Variants in TTC6 observed in about 807,000 individuals in gnomAD.
TTC6 encodes the protein tetratricopeptide repeat domain 6, also known as tetratricopeptide repeat protein 6.
Under a neutral mutation model 210.4 loss-of-function variants are expected in TTC6, and 172 were observed. The ratio of observed to expected loss-of-function variants is 0.82; its 90% CI spans 0.72 to 0.93. TTC6 has a LOEUF of 0.93. TTC6 is among the 40% of genes least tolerant of loss of function. The pLI, the probability that TTC6 is intolerant of heterozygous loss-of-function variation, is 0.00. For missense variants in TTC6, 2,414 were observed against 2,318.1 expected (o/e 1.04, Z -0.85); for synonymous variants, 804 against 819.6 (o/e 0.98, Z 0.32).
chr14:37,625,674 T>C (rs2095659134), intron 1 of TTC6, among the ~76,000 whole-genome samples: 2 of 152,232 alleles, frequency 1.3e-5, no homozygotes. Context: ...ATGTAAATGA[T>C]GTTCTTTCCA....
intron 5 of TTC6, among the ~76,000 whole-genome samples, chr14:37,707,234 G>C (rs1488737734): frequency 6.6e-6 from 1 of 152,008 alleles, no homozygotes; most frequent in African/African-American, 2.4e-5. Context: ...ATGTTTGAGA[G>C]TGGATTGCTT....
At chr14:37,739,012 T>C (rs1357864977) in exon 10 of TTC6, 8 of 1,535,508 alleles carry the variant, frequency 5.2e-6, no homozygotes, top group Middle Eastern at 3.3e-4. Flanking sequence ...TCTCTTTGAC[T>C]CTCATTGAAG....
At chr14:37,815,102 G>C (rs1034116175) in intron 25 of TTC6, among the ~76,000 whole-genome samples, 2 of 152,108 alleles carry the variant, frequency 1.3e-5, no homozygotes, top group African/African-American at 4.8e-5. Flanking sequence ...AATAAAAAAA[G>C]ATATAATGCT....
intron 1 of TTC6, among the ~76,000 whole-genome samples, chr14:37,626,888 T>C (rs1229067827): frequency 6.6e-6 from 1 of 152,160 alleles, no homozygotes; most frequent in East Asian, 1.9e-4. Context: ...ACCCCACCAC[T>C]CAAGGCTGAA....
Position 37,817,663 on chromosome 14 carries a change from A to C in TTC6, c.4763+12A>C, listed in dbSNP as rs919602229. 1 of 1,612,930 alleles carries C rather than the reference A, an allele frequency of 6.2e-7. No homozygotes were observed. The highest frequency in any genetic ancestry group is 8.5e-7 in the Non-Finnish European group (1 of 1,179,160). On this transcript the variant is annotated intron_variant, in intron 26 of 30. Coordinates refer to ENST00000553443, the Ensembl canonical transcript of TTC6. ...ATGTGCCATCACAGGTATGGAGTGCAATTGATGTCAAAGTGGAATCAAGCA... is the reference window on the plus strand; with the variant it reads ...ATGTGCCATCACAGGTATGGAGTGCCATTGATGTCAAAGTGGAATCAAGCA...
chr14:37,756,992 G>A (rs1053211350), intron 14 of TTC6, among the ~76,000 whole-genome samples: 3 of 151,936 alleles, frequency 2.0e-5, no homozygotes, highest in African/African-American at 7.3e-5. Context: ...ACTTTTTTTG[G>A]TTGGCAGGCT....
At chr14:37,677,188 A>T (rs186930383) in intron 1 of TTC6, among the ~76,000 whole-genome samples, 123 of 152,150 alleles carry the variant, frequency 8.1e-4, no homozygotes, top group African/African-American at 2.6e-3. Context: ...CTTTTAATCC[A>T]TGGACATAAG....
rs2096094075 is a variant in TTC6, at chr14:37,796,900, A to ATG, written c.3987_3988dup (p.Ala1330ValfsTer4). ...CAGCTGGAATAGAGCTGAGATGACCATGTGTGCTCTATTAGCAAAAGTTCA... is the reference window on the plus strand; with the variant it reads ...CAGCTGGAATAGAGCTGAGATGACCATGTGTGTGCTCTATTAGCAAAAGTTCA... On this transcript the variant is annotated frameshift_variant, in exon 20 of 31. Coordinates refer to ENST00000553443, the Ensembl canonical transcript of TTC6. LOFTEE classifies it high-confidence loss of function. 6.2e-7 allele frequency: 1 copy of ATG among 1,607,846 alleles called. No individual in the cohort carries two copies. Among genetic ancestry groups the ATG allele is most frequent in the East Asian group, 2.2e-5 (1 of 44,744 alleles).
chr14:37,658,139 C>T (rs2095728782), intron 1 of TTC6, among the ~76,000 whole-genome samples: 1 of 152,096 alleles, frequency 6.6e-6, no homozygotes, highest in African/African-American at 2.4e-5. Flanking sequence ...AAATTCAAAA[C>T]ATTATTAATG....
At chr14:37,810,874 G>C (rs2096128173) in intron 24 of TTC6, among the ~76,000 whole-genome samples, 1 of 152,128 alleles carries the variant, frequency 6.6e-6, no homozygotes, top group South Asian at 2.1e-4. Context: ...AGGGCTTATT[G>C]TGTGACAGGA....
chr14:37,690,464 G>A (rs2095801497), intron 3 of TTC6, among the ~76,000 whole-genome samples: 1 of 152,020 alleles, frequency 6.6e-6, no homozygotes, highest in South Asian at 2.1e-4. Flanking sequence ...AAGACTGATT[G>A]ATCTGTTGCC....
chr14:37,750,546 AT>A (rs2095948577), intron 12 of TTC6, among the ~76,000 whole-genome samples: 1 of 152,230 alleles, frequency 6.6e-6, no homozygotes, highest in Non-Finnish European at 1.5e-5. Flanking sequence ...ATAAATGAGC[AT>A]TTATCCAGCC....
chr14:37,835,624 A>G (rs1409224964), intron 29 of TTC6, among the ~76,000 whole-genome samples: 1 of 152,170 alleles, frequency 6.6e-6, no homozygotes, highest in African/African-American at 2.4e-5. Flanking sequence ...TGTAAGTATT[A>G]GTCACCAGTT....
At chr14:37,763,051 A>G (rs1345782715) in intron 14 of TTC6, among the ~76,000 whole-genome samples, 1 of 145,638 alleles carries the variant, frequency 6.9e-6, no homozygotes, top group African/African-American at 2.5e-5. Flanking sequence ...CACCCGCCTA[A>G]TTTTTTTTTT....
chr14:37,629,091 T>C (rs1047588337), intron 1 of TTC6, among the ~76,000 whole-genome samples: 1 of 152,212 alleles, frequency 6.6e-6, no homozygotes, highest in Admixed American at 6.5e-5. Context: ...CTATACGGGC[T>C]CTTTTTTGGT....
intron 25 of TTC6, 100 bp from the exon 28 acceptor site, chr14:37,817,478 T>C (rs2096144786): frequency 1.0e-6 from 1 of 986,664 alleles, no homozygotes; most frequent in African/African-American, 1.6e-5. Flanking sequence ...GATGTATATC[T>C]TAATGCTTGT....
intron 1 of TTC6, among the ~76,000 whole-genome samples, chr14:37,634,024 T>G (rs1452076656): frequency 2.6e-5 from 4 of 152,092 alleles, no homozygotes; most frequent in Admixed American, 6.6e-5. Flanking sequence ...ATATCCAGAC[T>G]CTCATAATAT....
chr14:37,622,510 T>G (rs886840982), exon 1 of TTC6: 1 of 1,535,008 alleles, frequency 6.5e-7, no homozygotes, highest in African/African-American at 1.4e-5. Flanking sequence ...GCCAGACCCG[T>G]GGTCCTGCTG....
intron 14 of TTC6, among the ~76,000 whole-genome samples, chr14:37,774,479 G>A (rs1041670887): frequency 5.9e-5 from 9 of 151,960 alleles, no homozygotes; most frequent in Admixed American, 2.0e-4. Context: ...AGGTTTCTGC[G>A]TCTATTGAGT....
Sources: gnomAD v4.1 joint callset for allele counts (sites outside exome capture counted in the v4.1 genomes callset) on GRCh38, gnomAD v4.1.1 for gene constraint, MANE v1.5 for transcripts, NCBI Gene and HGNC (gene_info 2026-07-23, HGNC 2026-07-21) for gene names.